The following UGGT2 variants were observed in gnomAD, a reference collection of about 807,000 sequenced individuals.
UGGT2 encodes the protein UDP-glucose:glycoprotein glucosyltransferase 2.
A neutral mutation model predicts 192.1 loss-of-function variants in UGGT2; 180 were observed. The observed-to-expected ratio is 0.94, with a 90% CI of 0.83 to 1.06. UGGT2 has a LOEUF of 1.06. Ranked by LOEUF, UGGT2 falls within the 50% of genes least tolerant of loss-of-function variation. UGGT2 has a pLI of 0.00. For synonymous variants in UGGT2, 580 were observed against 591.0 expected, an observed-to-expected ratio of 0.98 and a Z score of 0.27; for missense variants, 1,849 against 1,795.7, an observed-to-expected ratio of 1.03 and a Z score of -0.54.
At chr13:96,015,277 C>CAAAAAAAAAAAAAAAAA (rs35384365) in intron 4 of UGGT2, among the ~76,000 whole-genome samples, 1 of 111,230 alleles carries the variant, frequency 9.0e-6, no homozygotes, top group Non-Finnish European at 1.9e-5. Context: ...GACTCCGTCT[C>CAAAAAAAAAAAAAAAAA]AAAAAAAAAA....
intron 5 of UGGT2, among the ~76,000 whole-genome samples, chr13:96,010,504 A>G (rs1163096192): frequency 2.0e-5 from 3 of 152,284 alleles, no homozygotes; most frequent in Non-Finnish European, 2.9e-5. Flanking sequence ...AAAGGCAAGG[A>G]TATCTTCCCT....
In UGGT2 at chr13:96,023,049, G is replaced by C; in HGVS notation, c.476C>G (p.Ala159Gly). The change falls in exon 4 of 39, where the codon GCT becomes GGT. Residue 159 changes from alanine (A) to glycine (G), a missense_variant. By Grantham distance (60) the Ala-to-Gly change is moderately conservative. Transcript: ENST00000376747. ...INEIKKLLKK[A>G]ASRTRPYLFK... ...GCTATTATTAATTTACCTTGAAGCA[G>C]CTTTCTTCAGCAGCTTTTTAATCTC... is the stretch of plus-strand genomic sequence containing the variant. 1 of 1,576,864 alleles carries C rather than the reference G, an allele frequency of 6.3e-7. No individual in the cohort carries two copies. The highest frequency in any genetic ancestry group is 1.2e-5 in the South Asian group (1 of 82,978).
intron 34 of UGGT2, 48 bp from the exon 35 acceptor site, chr13:95,854,523 A>C: frequency 6.8e-7 from 1 of 1,472,748 alleles, no homozygotes; most frequent in Non-Finnish European, 9.1e-7. Context: ...AAATAACATA[A>C]GCCCTTTTTT....
At chr13:95,968,448 T>A (rs932248096) in intron 12 of UGGT2, among the ~76,000 whole-genome samples, 1 of 152,300 alleles carries the variant, frequency 6.6e-6, no homozygotes, top group Non-Finnish European at 1.5e-5. Flanking sequence ...CGCTGAATTG[T>A]AATCCCCAAT....
chr13:95,983,592 T>A (rs1477232164), intron 10 of UGGT2: 1 of 631,184 alleles, frequency 1.6e-6, no homozygotes, highest in Admixed American at 2.0e-5. Flanking sequence ...AATTCTGGAA[T>A]ATACTGTGAA....
chr13:95,817,560 A>G (rs1278658691), intron 38 of UGGT2, among the ~76,000 whole-genome samples: 1 of 152,222 alleles, frequency 6.6e-6, no homozygotes, highest in African/African-American at 2.4e-5. Context: ...CAGCTTGGGC[A>G]ACAGAGTGGC....
intron 17 of UGGT2, among the ~76,000 whole-genome samples, chr13:95,927,548 A>T (rs1275650190): frequency 2.0e-5 from 3 of 150,600 alleles, no homozygotes; most frequent in Non-Finnish European, 4.4e-5. Context: ...ATTTCACTTC[A>T]CAACCAGAAT....
chr13:96,022,803 G>T (rs892840721), intron 4 of UGGT2, among the ~76,000 whole-genome samples: 7 of 151,910 alleles, frequency 4.6e-5, no homozygotes, highest in African/African-American at 1.7e-4. Flanking sequence ...CAAAAAACAA[G>T]TTATGCTTAT....
intron 7 of UGGT2, 75 bp downstream of exon 7, chr13:95,995,988 A>C: frequency 7.7e-7 from 1 of 1,296,612 alleles, no homozygotes; most frequent in Non-Finnish European, 1.1e-6. Flanking sequence ...AGCATATGGC[A>C]AAACAGTATA....
chr13:96,010,317 T>A (rs972287718), intron 5 of UGGT2, among the ~76,000 whole-genome samples: 2 of 152,272 alleles, frequency 1.3e-5, no homozygotes, highest in Admixed American at 6.5e-5. Flanking sequence ...ATGCCGGGCT[T>A]AATTCCTAGG....
intron 29 of UGGT2, among the ~76,000 whole-genome samples, chr13:95,875,058 C>A (rs1310239253): frequency 6.6e-6 from 1 of 151,920 alleles, no homozygotes; most frequent in Non-Finnish European, 1.5e-5. Flanking sequence ...TTCTAGATAC[C>A]CAATGGAAGT....
chr13:95,999,557 AAAT>A (rs1334548813), intron 5 of UGGT2, among the ~76,000 whole-genome samples: 5 of 152,234 alleles, frequency 3.3e-5, no homozygotes, highest in African/African-American at 1.2e-4. Context: ...TTTACAATTA[AAAT>A]AATAAATATC....
At chr13:96,020,980 C>A (rs2052497756) in intron 4 of UGGT2, among the ~76,000 whole-genome samples, 1 of 152,196 alleles carries the variant, frequency 6.6e-6, no homozygotes, top group Non-Finnish European at 1.5e-5. Context: ...ATGCTTGCCC[C>A]CAAAGTCCCA....
Position 95,990,018 on chromosome 13 carries a change from C to T in UGGT2, c.886G>A (p.Glu296Lys), listed in dbSNP as rs754285217. The change falls in exon 8 of 39, where the codon GAG becomes AAG. Residue 296 changes from glutamate (E) to lysine (K), a missense_variant. Coordinates refer to ENST00000376747, the MANE Select transcript of UGGT2 (RefSeq NM_020121.4). ...AAAGGCATCATTTGTTTGTTACTCTCAATCAGGTATTTTTGGAATGCTGTC... is the reference window on the plus strand; with the variant it reads ...AAAGGCATCATTTGTTTGTTACTCTTAATCAGGTATTTTTGGAATGCTGTC... ...NLTAFQKYLI[E>K]SNKQMMPLKV... is the part of the protein sequence containing the mutation. 2.5e-6 allele frequency: 4 copies of T among 1,606,832 alleles called. No individual in the cohort carries two copies. In the South Asian group the frequency reaches 4.4e-5, roughly 18 times the overall value.
intron 5 of UGGT2, among the ~76,000 whole-genome samples, chr13:96,010,784 C>T (rs2052137125): frequency 6.6e-6 from 1 of 152,034 alleles, no homozygotes. Flanking sequence ...TTAAAGTTCA[C>T]AAGAAGAGAC....
intron 17 of UGGT2, among the ~76,000 whole-genome samples, chr13:95,928,574 A>G (rs1013340679): frequency 6.7e-6 from 1 of 150,264 alleles, no homozygotes; most frequent in Non-Finnish European, 1.5e-5. Context: ...GGCGGGGCAG[A>G]GGTGCTCTTC....
intron 36 of UGGT2, among the ~76,000 whole-genome samples, chr13:95,852,852 T>C (rs893389316): frequency 6.6e-6 from 1 of 151,930 alleles, no homozygotes; most frequent in Non-Finnish European, 1.5e-5. Context: ...GTCTTAAAGA[T>C]GAGAGAGAGA....
intron 28 of UGGT2, 70 bp downstream of exon 28, chr13:95,877,628 T>C (rs1891831086): frequency 6.6e-7 from 1 of 1,511,028 alleles, no homozygotes; most frequent in Non-Finnish European, 8.9e-7. Context: ...GATTATTTCA[T>C]TTTACTCTTA....
intron 15 of UGGT2, among the ~76,000 whole-genome samples, chr13:95,942,135 T>A (rs36079088): frequency 0.36 from 55,141 of 151,598 alleles, 10,343 homozygotes; most frequent in Middle Eastern, 0.42. Flanking sequence ...TTTGTGTCAT[T>A]TTTATCATAG....
Sources: allele counts gnomAD v4.1 joint callset (sites outside exome capture counted in the v4.1 genomes callset), GRCh38; gene constraint gnomAD v4.1.1; transcripts MANE v1.5; gene names NCBI Gene and HGNC (gene_info 2026-07-23, HGNC 2026-07-21).